TTC39B: variants seen among roughly 807,000 people sequenced by gnomAD.
The protein encoded by TTC39B is tetratricopeptide repeat protein 39B.
TTC39B carries 92 observed loss-of-function variants against 96.6 expected under a neutral mutation model. The observed-to-expected ratio is 0.95, with a 90% CI of 0.80 to 1.13. The LOEUF is 1.13. Among genes scored for constraint, TTC39B ranks in the 50% most tolerant of loss-of-function variants. The pLI, the probability that TTC39B is intolerant of heterozygous loss-of-function variation, is 0.00. For synonymous variants in TTC39B, 367 were observed against 299.4 expected, an observed-to-expected ratio of 1.23 and a Z score of -2.33; for missense variants, 955 against 809.3, an observed-to-expected ratio of 1.18 and a Z score of -2.18.
intron 15 of TTC39B, among the ~76,000 whole-genome samples, chr9:15,186,086 T>C (rs552110792): frequency 1.3e-5 from 2 of 152,294 alleles, no homozygotes; most frequent in East Asian, 3.9e-4. Context: ...CACTTTCTTA[T>C]GCATAATTTT....
intron 1 of TTC39B, among the ~76,000 whole-genome samples, chr9:15,270,050 T>C (rs1823284148): frequency 6.6e-6 from 1 of 151,580 alleles, no homozygotes; most frequent in Non-Finnish European, 1.5e-5. Flanking sequence ...ATTTCTGTAA[T>C]CCCAGCTACT....
At chr9:15,199,616 T>C (rs1489131603) in intron 8 of TTC39B, among the ~76,000 whole-genome samples, 1 of 151,102 alleles carries the variant, frequency 6.6e-6, no homozygotes, top group African/African-American at 2.4e-5. Context: ...GCGCCTGTAG[T>C]CCCAGCTACT....
At chr9:15,214,985 G>T (rs770482706) in intron 3 of TTC39B, among the ~76,000 whole-genome samples, 1 of 152,222 alleles carries the variant, frequency 6.6e-6, no homozygotes, top group African/African-American at 2.4e-5. Flanking sequence ...AAACCAGCAC[G>T]CATGTTTGGC....
intron 18 of TTC39B, among the ~76,000 whole-genome samples, chr9:15,175,815 A>G (rs1817906588): frequency 6.6e-6 from 1 of 152,188 alleles, no homozygotes; most frequent in Admixed American, 6.6e-5. Context: ...ATATCCATGC[A>G]GGAGATGAGG....
chr9:15,246,123 C>T (rs1485838927), intron 2 of TTC39B, among the ~76,000 whole-genome samples: 1 of 152,156 alleles, frequency 6.6e-6, no homozygotes, highest in African/African-American at 2.4e-5. Flanking sequence ...CGTGGTGGCA[C>T]ATGCCTGTAA....
intron 1 of TTC39B, among the ~76,000 whole-genome samples, chr9:15,287,809 G>C (rs888507587): frequency 6.6e-6 from 1 of 152,084 alleles, no homozygotes; most frequent in Non-Finnish European, 1.5e-5. Flanking sequence ...AGCCGGGCAT[G>C]GTGGCATGGG....
intron 1 of TTC39B, among the ~76,000 whole-genome samples, chr9:15,293,921 C>G (rs1031910524): frequency 6.6e-6 from 1 of 152,156 alleles, no homozygotes; most frequent in South Asian, 2.1e-4. Context: ...ACCTCACTTC[C>G]GTTTTCTGCA....
chr9:15,172,256 T>A (rs112377469), intron 19 of TTC39B, 147 bp from the exon 20 acceptor site: 59 of 484,364 alleles, frequency 1.2e-4, no homozygotes, highest in Admixed American at 2.6e-4. Flanking sequence ...CAGATTCTGG[T>A]TCTGTTGGGG....
intron 1 of TTC39B, among the ~76,000 whole-genome samples, chr9:15,278,906 C>A (rs1213867036): frequency 6.6e-6 from 1 of 152,190 alleles, no homozygotes; most frequent in African/African-American, 2.4e-5. Flanking sequence ...GAATCCTTAA[C>A]ATGTGTTAAC....
At chr9:15,283,047 C>A (rs921363300) in intron 1 of TTC39B, among the ~76,000 whole-genome samples, 3 of 152,080 alleles carry the variant, frequency 2.0e-5, no homozygotes, top group Admixed American at 6.6e-5. Context: ...GTCTGCCCTC[C>A]CTCCAGGCGG....
intron 8 of TTC39B, among the ~76,000 whole-genome samples, chr9:15,196,643 G>A (rs1819187694): frequency 6.6e-6 from 1 of 152,196 alleles, no homozygotes; most frequent in South Asian, 2.1e-4. Flanking sequence ...GAGCAAGAAA[G>A]CAGTTTCTTG....
At chr9:15,191,339 T>C in intron 9 of TTC39B, 84 bp from the exon 10 acceptor site, 2 of 888,296 alleles carry the variant, frequency 2.3e-6, no homozygotes, top group Non-Finnish European at 3.5e-6. Flanking sequence ...ACAGTTTTAA[T>C]GCTTCAATAA....
At chr9:15,262,956 G>C (rs1822995848) in intron 2 of TTC39B, among the ~76,000 whole-genome samples, 1 of 152,226 alleles carries the variant, frequency 6.6e-6, no homozygotes, top group Non-Finnish European at 1.5e-5. Context: ...ACCAATTTAA[G>C]AGGAAATGTG....
At chr9:15,267,810 C>G in intron 2 of TTC39B, 104 bp downstream of exon 2, 1 of 920,078 alleles carries the variant, frequency 1.1e-6, no homozygotes, top group Non-Finnish European at 1.6e-6. Context: ...CTGAAAATAG[C>G]CATTGCCGTA....
intron 3 of TTC39B, among the ~76,000 whole-genome samples, chr9:15,219,211 G>C (rs924767916): frequency 1.3e-5 from 2 of 152,154 alleles, no homozygotes; most frequent in East Asian, 3.8e-4. Context: ...GGATCATTAA[G>C]TCTGCAGTTA....
rs1193182924 is a variant in TTC39B, at chr9:15,172,867, T to C, written c.1959-758A>G. Among the ~76,000 whole-genome samples the C allele has an allele frequency of 3.9e-5, 6 of 152,296 alleles. No homozygotes were observed. In the East Asian group the frequency reaches 1.2e-3, roughly 29 times the overall value. On this transcript the variant is annotated intron_variant, in intron 19 of 19. Coordinates refer to ENST00000512701, the Ensembl canonical transcript of TTC39B. ...GGGCTACTCACTGGTAATCTTGATG[T>C]GGGTTAGTAAAATGTATTATTCATA...
chr9:15,203,572 T>C (rs1429484611), intron 7 of TTC39B, among the ~76,000 whole-genome samples: 2 of 152,100 alleles, frequency 1.3e-5, no homozygotes, highest in Non-Finnish European at 2.9e-5. Flanking sequence ...AAAGTTTCTT[T>C]AAAGACACAG....
intron 1 of TTC39B, among the ~76,000 whole-genome samples, chr9:15,276,181 T>C (rs1031531360): frequency 4.6e-5 from 7 of 152,214 alleles, no homozygotes; most frequent in African/African-American, 1.7e-4. Context: ...AGCAGGGTTA[T>C]AATGAACTTG....
intron 3 of TTC39B, among the ~76,000 whole-genome samples, chr9:15,221,205 T>C (rs1379515541): frequency 2.6e-5 from 4 of 152,150 alleles, no homozygotes; most frequent in African/African-American, 9.7e-5. Context: ...TCTGTACCCA[T>C]TACCACTGTG....
Sources: allele counts gnomAD v4.1 joint callset (sites outside exome capture counted in the v4.1 genomes callset), GRCh38; gene constraint gnomAD v4.1.1; transcripts MANE v1.5; gene names NCBI Gene and HGNC (gene_info 2026-07-23, HGNC 2026-07-21).